ERGIC2: variants seen among roughly 807,000 people sequenced by gnomAD.
ERGIC2 encodes the protein endoplasmic reticulum-Golgi intermediate compartment protein 2.
In ERGIC2, 31 loss-of-function variants were observed where a neutral mutation model predicts 52.5. The observed-to-expected ratio is 0.59, with a 90% CI of 0.44 to 0.80. ERGIC2 has a LOEUF of 0.80. ERGIC2 is among the 30% of genes least tolerant of loss of function. The pLI, the probability that ERGIC2 is intolerant of heterozygous loss-of-function variation, is 0.00. For synonymous variants in ERGIC2, 129 were observed against 140.6 expected (o/e 0.92, Z 0.58); for missense variants, 395 against 455.2 (o/e 0.87, Z 1.20).
chr12:29,343,053 TGAG>T, intron 12 of ERGIC2, 64 bp downstream of exon 12: 3 of 1,369,552 alleles, frequency 2.2e-6, no homozygotes, highest in Non-Finnish European at 3.0e-6. Context: ...CTTGCCCCTT[TGAG>T]AAGAAGCAAC....
At chr12:29,346,301 G>A (rs766272674) in intron 10 of ERGIC2, among the ~76,000 whole-genome samples, 2 of 150,684 alleles carry the variant, frequency 1.3e-5, no homozygotes, top group Admixed American at 1.3e-4. Flanking sequence ...CAATCCTCCC[G>A]CCTCAGCCTC....
intron 10 of ERGIC2, among the ~76,000 whole-genome samples, chr12:29,347,342 A>G (rs1226771861): frequency 1.3e-5 from 2 of 152,234 alleles, no homozygotes; most frequent in African/African-American, 4.8e-5. Flanking sequence ...TAGGTTGTCC[A>G]GTTTGTGGCA....
intron 10 of ERGIC2, among the ~76,000 whole-genome samples, chr12:29,348,674 A>G (rs1246488702): frequency 6.6e-6 from 1 of 152,000 alleles, no homozygotes; most frequent in Admixed American, 6.6e-5. Flanking sequence ...AATGATATAT[A>G]TGCATTTTAA....
chr12:29,339,220 T>C lies in ERGIC2; in HGVS notation c.*1936A>G, dbSNP rs567323783. ...GATAAATTTCATTAAAATTTTAATA[T>C]GGTATTTGGAAAATACGAAAACAAT... On this transcript the variant is annotated 3_prime_UTR_variant, in exon 14 of 14. Coordinates refer to ENST00000360150, the MANE Select transcript of ERGIC2 (RefSeq NM_016570.3). 2.6e-5 allele frequency: 4 copies of C among 152,324 alleles called. No homozygotes were observed. The highest frequency in any genetic ancestry group is 4.1e-4 in the South Asian group (2 of 4,830). 9.4% of individuals were successfully genotyped at this position (152,324 alleles called of 1,614,324 possible).
rs185094134 is a variant in ERGIC2, at chr12:29,348,927, A to G, written c.727+152T>C. 1.4e-4 allele frequency: 69 copies of G among 495,610 alleles called. No homozygotes were observed. The Admixed American group carries it at 1.6e-3, about 11-fold the overall frequency. The allele number at this position is 495,610 out of a possible 1,614,324, so 30.7% of individuals were successfully genotyped here. A position where few individuals can be genotyped will look rare whatever the true frequency, so the allele number is the denominator to read the frequency against. On this transcript the variant is annotated intron_variant, in intron 10 of 13. Coordinates refer to ENST00000360150, the MANE Select transcript of ERGIC2 (RefSeq NM_016570.3). ...GAATATTCAAATTTCATCCACTACT[A>G]GGACAAATTCTCTTCACATACATCT...
chr12:29,372,809 C>A (rs1036712167), intron 1 of ERGIC2: 1 of 152,014 alleles, frequency 6.6e-6, no homozygotes, highest in African/African-American at 2.4e-5. Flanking sequence ...GCATGCACCT[C>A]CACCCCCAGC....
intron 6 of ERGIC2, among the ~76,000 whole-genome samples, chr12:29,358,504 A>T (rs767257603): frequency 1.3e-5 from 2 of 152,166 alleles, no homozygotes; most frequent in Non-Finnish European, 2.9e-5. Context: ...TACGTTCAAC[A>T]CCAAGAACGA....
In ERGIC2 at chr12:29,356,617, TG is replaced by T. The variant is rs1201378316; in HGVS notation, c.477-141del. On this transcript the variant is annotated intron_variant, in intron 7 of 13. Transcript: ENST00000360150. ...AAATGTTAAAAATAGAATAGTTTCC[TG>T]AAGTCTAGACATTTATAAAAATTAT... is the stretch of plus-strand genomic sequence containing the variant. 3 of 495,702 alleles carry T rather than the reference TG, an allele frequency of 6.1e-6. No individual in the cohort carries two copies. The Admixed American group carries it at 1.1e-4, about 18-fold the overall frequency. 30.7% of individuals were successfully genotyped at this position (495,702 alleles called of 1,614,324 possible). A position where few individuals can be genotyped will look rare whatever the true frequency, so the allele number is the denominator to read the frequency against.
chr12:29,355,279 T>G (rs1026279714), intron 8 of ERGIC2, among the ~76,000 whole-genome samples: 1 of 152,236 alleles, frequency 6.6e-6, no homozygotes, highest in East Asian at 1.9e-4. Flanking sequence ...ATGTATTCAC[T>G]GCTTAAGTGT....
intron 3 of ERGIC2, among the ~76,000 whole-genome samples, chr12:29,368,518 T>A (rs78151869): frequency 0.07 from 10,688 of 151,880 alleles, 485 homozygotes; most frequent in Middle Eastern, 0.16. Flanking sequence ...CACAGTATCC[T>A]TTAATAATGG....
intron 1 of ERGIC2, among the ~76,000 whole-genome samples, chr12:29,379,362 A>G (rs1247445751): frequency 3.9e-5 from 6 of 152,190 alleles, no homozygotes; most frequent in Admixed American, 3.9e-4. Context: ...AGCAATAGAA[A>G]GGAAGAACTT....
rs1949824557 is a variant in ERGIC2 at position 29,339,838 on chromosome 12, T to C, written c.*1318A>G. On this transcript the variant is annotated 3_prime_UTR_variant, in exon 14 of 14. Transcript: ENST00000360150. ...CACTATTTTAAATCTAGTTTTTCAG[T>C]CTTGTTATTTACCTGGAATTTTGTT... 6.6e-6 allele frequency: 1 copy of C among 152,156 alleles called. No individual in the cohort carries two copies. Among genetic ancestry groups the C allele is most frequent in the African/African-American group, 2.4e-5 (1 of 41,444 alleles). The allele number at this position is 152,156 out of a possible 1,614,324, so 9.4% of individuals were successfully genotyped here.
Position 29,340,517 on chromosome 12 carries a change from T to C in ERGIC2, c.*639A>G, listed in dbSNP as rs73273355. 2,391 of 175,430 alleles carry C rather than the reference T, an allele frequency of 0.014. 56 individuals carry two copies. The highest frequency in any genetic ancestry group is 0.054 in the African/African-American group (2,238 of 41,726). The allele number at this position is 175,430 out of a possible 1,614,324, so 10.9% of individuals were successfully genotyped here. On this transcript the variant is annotated 3_prime_UTR_variant, in exon 14 of 14. Transcript: ENST00000360150. Reference sequence around the variant, plus strand: ...AGAATTTACCTTAGTCTTCTAAGACTCTATCTTCAACAGTTAGATAAGTCA... The same window carrying C: ...AGAATTTACCTTAGTCTTCTAAGACCCTATCTTCAACAGTTAGATAAGTCA...
At chr12:29,378,930 T>C (rs1482191391) in intron 1 of ERGIC2, among the ~76,000 whole-genome samples, 1 of 152,188 alleles carries the variant, frequency 6.6e-6, no homozygotes, top group Non-Finnish European at 1.5e-5. Flanking sequence ...AGGCATGTAA[T>C]ATCTATTTCT....
At chr12:29,369,434 CTT>C (rs1416371385) in intron 3 of ERGIC2, among the ~76,000 whole-genome samples, 1 of 151,912 alleles carries the variant, frequency 6.6e-6, no homozygotes, top group East Asian at 1.9e-4. Flanking sequence ...TCATAAACCT[CTT>C]GAGGAAGATA....
chr12:29,366,208 C>T (rs1940360367), intron 5 of ERGIC2, among the ~76,000 whole-genome samples: 1 of 151,912 alleles, frequency 6.6e-6, no homozygotes, highest in Non-Finnish European at 1.5e-5. Context: ...TGCTGAGGGC[C>T]TCATGCTTAT....
chr12:29,340,511 TAA>T lies in ERGIC2; in HGVS notation c.*643_*644del, dbSNP rs1390491200. The T allele has an allele frequency of 1.2e-5, 2 of 173,030 alleles. No homozygotes were observed. Among genetic ancestry groups the T allele is most frequent in the East Asian group, 1.7e-4 (1 of 5,774 alleles). The allele number at this position is 173,030 out of a possible 1,614,324, so 10.7% of individuals were successfully genotyped here. A position where few individuals can be genotyped will look rare whatever the true frequency, so the allele number is the denominator to read the frequency against. On this transcript the variant is annotated 3_prime_UTR_variant, in exon 14 of 14. Transcript: ENST00000360150. Reference sequence around the variant, plus strand: ...CCTGTGAGAATTTACCTTAGTCTTCTAAGACTCTATCTTCAACAGTTAGATAA... The same window carrying T: ...CCTGTGAGAATTTACCTTAGTCTTCTGACTCTATCTTCAACAGTTAGATAA...
intron 1 of ERGIC2, among the ~76,000 whole-genome samples, chr12:29,377,501 G>A (rs1940530519): frequency 6.6e-6 from 1 of 152,156 alleles, no homozygotes; most frequent in African/African-American, 2.4e-5. Context: ...GTAAATAGTT[G>A]TACTGTTTAG....
Position 29,341,175 on chromosome 12 carries a change from A to G in ERGIC2, c.1115T>C (p.Leu372Ser). ...DGHTDNHLPL[L>S]ENNTH ...GAGGTGTTAATGTGTATTATTTTCTAAAAGAGGTAAGTGGTTGTCTGTGTG... is the reference window on the plus strand; with the variant it reads ...GAGGTGTTAATGTGTATTATTTTCTGAAAGAGGTAAGTGGTTGTCTGTGTG... Residue 372 changes from leucine (L) to serine (S), a missense_variant, in exon 14 of 14, where the codon TTA becomes TCA. Transcript: ENST00000360150. The G allele has an allele frequency of 6.2e-7, 1 of 1,609,796 alleles. No individual in the cohort carries two copies. The highest frequency in any genetic ancestry group is 8.5e-7 in the Non-Finnish European group (1 of 1,177,484).
Sources: allele counts gnomAD v4.1 joint callset (sites outside exome capture counted in the v4.1 genomes callset), GRCh38; gene constraint gnomAD v4.1.1; transcripts MANE v1.5; gene names NCBI Gene and HGNC (gene_info 2026-07-23, HGNC 2026-07-21).